GRM8: variants seen among roughly 807,000 people sequenced by gnomAD.
GRM8 encodes the protein glutamate metabotropic receptor 8, also known as metabotropic glutamate receptor 8.
A neutral mutation model predicts 87.2 loss-of-function variants in GRM8; 47 were observed. The ratio of observed to expected loss-of-function variants is 0.54; its 90% CI spans 0.43 to 0.69. GRM8 has a LOEUF of 0.69. Ranked by LOEUF, GRM8 falls within the 30% of genes least tolerant of loss-of-function variation. The pLI, the probability that GRM8 is intolerant of heterozygous loss-of-function variation, is 0.00. For synonymous variants in GRM8, 396 were observed against 404.5 expected, an observed-to-expected ratio of 0.98 and a Z score of 0.25; for missense variants, 1,019 against 1,139.2, an observed-to-expected ratio of 0.89 and a Z score of 1.52.
At chr7:126,977,824 G>A (rs984814171) in intron 3 of GRM8, among the ~76,000 whole-genome samples, 2 of 152,184 alleles carry the variant, frequency 1.3e-5, no homozygotes, top group African/African-American at 4.8e-5. Flanking sequence ...TTGTAGAAGG[G>A]AGAGTGGCCA....
At chr7:127,209,819 A>G (rs1467629873) in intron 2 of GRM8, among the ~76,000 whole-genome samples, 6 of 152,150 alleles carry the variant, frequency 3.9e-5, no homozygotes, top group African/African-American at 1.2e-4. Context: ...CTCAGCAAAT[A>G]CTAGCAAGTG....
intron 3 of GRM8, among the ~76,000 whole-genome samples, chr7:126,952,802 T>C (rs1563349003): frequency 6.6e-6 from 1 of 151,886 alleles, no homozygotes; most frequent in Non-Finnish European, 1.5e-5. Flanking sequence ...GTCTTAAAAG[T>C]TAAGGAAAGA....
chr7:126,764,914 C>G (rs1818025797), intron 7 of GRM8, among the ~76,000 whole-genome samples: 1 of 152,052 alleles, frequency 6.6e-6, no homozygotes, highest in Non-Finnish European at 1.5e-5. Flanking sequence ...CATCACCCCT[C>G]TCTCAGGTTT....
At chr7:126,596,728 A>G (rs1287578985) in intron 8 of GRM8, among the ~76,000 whole-genome samples, 1 of 152,188 alleles carries the variant, frequency 6.6e-6, no homozygotes, top group Non-Finnish European at 1.5e-5. Context: ...TAGTATAAGC[A>G]TATGCACTCA....
At chr7:126,960,635 C>A (rs1011098687) in intron 3 of GRM8, among the ~76,000 whole-genome samples, 1 of 152,166 alleles carries the variant, frequency 6.6e-6, no homozygotes, top group African/African-American at 2.4e-5. Context: ...TAGCCTTAGA[C>A]TAATACCTAG....
At chr7:127,154,307 T>A (rs1177385913) in intron 2 of GRM8, among the ~76,000 whole-genome samples, 1 of 152,106 alleles carries the variant, frequency 6.6e-6, no homozygotes, top group African/African-American at 2.4e-5. Context: ...TTCCTGCTAC[T>A]TCCATTCCTG....
chr7:126,580,617 T>G (rs951546711), intron 8 of GRM8, among the ~76,000 whole-genome samples: 1 of 152,170 alleles, frequency 6.6e-6, no homozygotes, highest in Non-Finnish European at 1.5e-5. Flanking sequence ...ATATATATGC[T>G]TTTGAATTTT....
intron 6 of GRM8, among the ~76,000 whole-genome samples, chr7:126,788,554 A>G (rs989648811): frequency 6.6e-6 from 1 of 151,934 alleles, no homozygotes; most frequent in Non-Finnish European, 1.5e-5. Flanking sequence ...AATATCTCCT[A>G]TGCCCTAGAA....
chr7:127,208,857 G>A (rs987508629), intron 2 of GRM8, among the ~76,000 whole-genome samples: 2 of 152,210 alleles, frequency 1.3e-5, no homozygotes, highest in African/African-American at 4.8e-5. Context: ...GCAGCATTGA[G>A]TTTTCCAGTT....
chr7:126,627,314 A>C (rs909508508), intron 7 of GRM8, among the ~76,000 whole-genome samples: 3 of 152,232 alleles, frequency 2.0e-5, no homozygotes, highest in African/African-American at 7.2e-5. Context: ...CTAGTGGAAG[A>C]GGTCAAAGAT....
intron 9 of GRM8, among the ~76,000 whole-genome samples, chr7:126,496,970 ATTTT>A (rs71177562): frequency 7.0e-6 from 1 of 143,010 alleles, no homozygotes; most frequent in Non-Finnish European, 1.5e-5. Flanking sequence ...TGAGTTTTGG[ATTTT>A]TTTTTTTTTT....
intron 2 of GRM8, among the ~76,000 whole-genome samples, chr7:127,218,143 G>A (rs62468888): frequency 0.055 from 8,435 of 152,272 alleles, 317 homozygotes; most frequent in Non-Finnish European, 0.079. Context: ...GCTTCGCTCT[G>A]TTCCAGGATA....
At chr7:126,993,485 C>T (rs995568052) in intron 3 of GRM8, among the ~76,000 whole-genome samples, 8 of 152,152 alleles carry the variant, frequency 5.3e-5, no homozygotes, top group African/African-American at 1.7e-4. Flanking sequence ...ATTTTAACAA[C>T]TGACTACACA....
At chr7:126,661,682 T>C (rs1247456845) in intron 7 of GRM8, among the ~76,000 whole-genome samples, 1 of 152,146 alleles carries the variant, frequency 6.6e-6, no homozygotes, top group African/African-American at 2.4e-5. Context: ...GTGGGGAGAC[T>C]TTATGTGCCT....
intron 3 of GRM8, among the ~76,000 whole-genome samples, chr7:126,944,638 A>G (rs1344856865): frequency 6.6e-6 from 1 of 152,228 alleles, no homozygotes; most frequent in African/African-American, 2.4e-5. Context: ...AATTAGCCAA[A>G]GTTTCTGTTA....
intron 7 of GRM8, among the ~76,000 whole-genome samples, chr7:126,634,827 A>G (rs2151185142): frequency 6.6e-6 from 1 of 152,304 alleles, no homozygotes; most frequent in Non-Finnish European, 1.5e-5. Flanking sequence ...CTGAGATTTT[A>G]GTGATTTTAT....
At chr7:126,647,352 T>C (rs1369094770) in intron 7 of GRM8, among the ~76,000 whole-genome samples, 3 of 149,098 alleles carry the variant, frequency 2.0e-5, no homozygotes, top group African/African-American at 7.5e-5. Context: ...GATATAGATA[T>C]AGATAGATAT....
intron 8 of GRM8, among the ~76,000 whole-genome samples, chr7:126,575,000 G>A (rs2150995440): frequency 6.6e-6 from 1 of 152,200 alleles, no homozygotes; most frequent in South Asian, 2.1e-4. Flanking sequence ...CGAATTCTCT[G>A]GTGATTCCTT....
At chr7:126,447,560 C>G (rs1802150784) in intron 9 of GRM8, among the ~76,000 whole-genome samples, 1 of 151,800 alleles carries the variant, frequency 6.6e-6, no homozygotes. Context: ...TCTGGCAATC[C>G]TCAAGACCAA....
Sources: gnomAD v4.1 joint callset for allele counts (sites outside exome capture counted in the v4.1 genomes callset) on GRCh38, gnomAD v4.1.1 for gene constraint, MANE v1.5 for transcripts, NCBI Gene and HGNC (gene_info 2026-07-23, HGNC 2026-07-21) for gene names.